IFT80: variants seen among roughly 807,000 people sequenced by gnomAD.
IFT80 encodes intraflagellar transport 80.
In IFT80, 79 loss-of-function variants were observed where a neutral mutation model predicts 107.9. The ratio of observed to expected loss-of-function variants is 0.73; its 90% confidence interval spans 0.61 to 0.88. The LOEUF (loss-of-function observed/expected upper bound fraction) is 0.88. IFT80 is among the 40% of genes least tolerant of loss of function. The pLI is 0.00. For synonymous variants in IFT80, 299 were observed against 300.9 expected (o/e 0.99, Z 0.07); for missense variants, 797 against 914.2 (o/e 0.87, Z 1.65).
chr3:160,373,203 T>C (rs1246497382), intron 5 of IFT80, among the ~76,000 whole-genome samples: 1 of 152,164 alleles, frequency 6.6e-6, no homozygotes. Context: ...CCACGATGCC[T>C]GGCCAAAATG....
chr3:160,272,940 CA>C (rs1713934296), intron 18 of IFT80, among the ~76,000 whole-genome samples: 1 of 152,188 alleles, frequency 6.6e-6, no homozygotes, highest in Non-Finnish European at 1.5e-5. Context: ...TAAACAAATT[CA>C]AGCCCTGTGC....
At chr3:160,327,157 T>C (rs992982244) in intron 8 of IFT80, among the ~76,000 whole-genome samples, 17 of 152,134 alleles carry the variant, frequency 1.1e-4, no homozygotes, top group Admixed American at 9.8e-4. Context: ...TACAAACCAC[T>C]GCTCAAAGAA....
rs1383651895 is a variant in IFT80 at position 160,261,715 on chromosome 3, C to T, written c.2224-3080G>A. ...ACTTAGAGGGCTCAGGTGAAAGGAT[C>T]GCTTGAGTCTGGCTATGTTGAGGCC... On this transcript the variant is annotated intron_variant, in intron 19 of 19. Coordinates refer to ENST00000326448, the MANE Select transcript of IFT80 (RefSeq NM_020800.3). 4.7e-5 allele frequency among the ~76,000 whole-genome samples: 7 copies of T among 148,984 alleles called. No homozygotes were observed. The East Asian group carries it at 1.4e-3, about 29-fold the overall frequency.
At chr3:160,318,449 G>A (rs6441312) in intron 9 of IFT80, among the ~76,000 whole-genome samples, 2,229 of 152,046 alleles carry the variant, frequency 0.015, 51 homozygotes, top group African/African-American at 0.051. Context: ...GAGGAAGGTC[G>A]AATCCTTCTT....
intron 8 of IFT80, among the ~76,000 whole-genome samples, chr3:160,340,084 C>G (rs1482336073): frequency 6.6e-6 from 1 of 152,136 alleles, no homozygotes; most frequent in African/African-American, 2.4e-5. Flanking sequence ...CTGCTCTCAG[C>G]TAGCCAAGTT....
At chr3:160,328,877 A>C (rs1718881719) in intron 8 of IFT80, among the ~76,000 whole-genome samples, 1 of 152,152 alleles carries the variant, frequency 6.6e-6, no homozygotes, top group African/African-American at 2.4e-5. Context: ...TTAGCAAACA[A>C]ACACAGGAGC....
chr3:160,315,172 A>G (rs1717722346), intron 9 of IFT80, among the ~76,000 whole-genome samples: 1 of 152,050 alleles, frequency 6.6e-6, no homozygotes, highest in Admixed American at 6.6e-5. Context: ...CACTGAATCC[A>G]CATGTTGCAA....
intron 8 of IFT80, among the ~76,000 whole-genome samples, chr3:160,324,351 C>G (rs993046814): frequency 6.6e-6 from 1 of 152,096 alleles, no homozygotes; most frequent in Non-Finnish European, 1.5e-5. Flanking sequence ...GACCAATATC[C>G]TTGATGAACA....
At chr3:160,364,054 T>C (rs1275177871) in intron 6 of IFT80, among the ~76,000 whole-genome samples, 1 of 152,014 alleles carries the variant, frequency 6.6e-6, no homozygotes. Context: ...GAAACTACCA[T>C]CAGAGTGAAC....
At chr3:160,396,125 AACAT>A (rs1713760248) in intron 1 of IFT80, among the ~76,000 whole-genome samples, 1 of 152,044 alleles carries the variant, frequency 6.6e-6, no homozygotes, top group South Asian at 2.1e-4. Context: ...ACGGAATAAA[AACAT>A]ACTTATCTTT....
intron 8 of IFT80, among the ~76,000 whole-genome samples, chr3:160,343,233 A>C (rs1043324869): frequency 6.6e-6 from 1 of 152,216 alleles, no homozygotes; most frequent in Non-Finnish European, 1.5e-5. Context: ...CAATTATTTT[A>C]ATTGAAAAGA....
chr3:160,303,535 T>C (rs1357201363), intron 11 of IFT80, among the ~76,000 whole-genome samples: 1 of 152,232 alleles, frequency 6.6e-6, no homozygotes, highest in Non-Finnish European at 1.5e-5. Context: ...AACTCTTTAA[T>C]AGTTATTTAC....
chr3:160,345,461 T>C (rs1004033219), intron 8 of IFT80, among the ~76,000 whole-genome samples: 1 of 151,640 alleles, frequency 6.6e-6, no homozygotes, highest in Non-Finnish European at 1.5e-5. Flanking sequence ...CCAAGGTGGG[T>C]GGATCGCTTA....
At chr3:160,373,968 C>A (rs1319341111) in intron 5 of IFT80, among the ~76,000 whole-genome samples, 5 of 152,110 alleles carry the variant, frequency 3.3e-5, no homozygotes, top group Admixed American at 2.0e-4. Flanking sequence ...GGGTTGGGGA[C>A]CCCTGACATA....
At chr3:160,319,492 C>T (rs2108297470) in intron 9 of IFT80, among the ~76,000 whole-genome samples, 1 of 152,128 alleles carries the variant, frequency 6.6e-6, no homozygotes, top group African/African-American at 2.4e-5. Context: ...CTCCTTCCCT[C>T]ACTGAATCCA....
In IFT80 at chr3:160,375,817, T is replaced by C; in HGVS notation, c.434A>G (p.Gln145Arg). 1.2e-6 allele frequency: 2 copies of C among 1,609,750 alleles called. No individual in the cohort carries two copies. Among genetic ancestry groups the C allele is most frequent in the Non-Finnish European group, 1.7e-6 (2 of 1,176,668 alleles). The change falls in exon 5 of 20, where the codon CAG becomes CGG. Residue 145 changes from glutamine (Q) to arginine (R), a missense_variant. Physicochemically the swap from Gln to Arg is conservative, Grantham distance 43. Coordinates refer to ENST00000326448, the MANE Select transcript of IFT80 (RefSeq NM_020800.3). Reference sequence around the variant, plus strand: ...TTGTCAATTGTAAAACATACCTTGCTGAGCTAAAGTTGATCTAAGCATCCC... The same window carrying C: ...TTGTCAATTGTAAAACATACCTTGCCGAGCTAAAGTTGATCTAAGCATCCC... The part of the protein sequence containing the change: ...KTGMLRSTLA[Q>R]QGTPVYSVAW...
intron 8 of IFT80, chr3:160,343,698 G>C (rs1280644352): frequency 4.0e-6 from 1 of 250,118 alleles, no homozygotes; most frequent in African/African-American, 2.3e-5. Context: ...TATATTTCCT[G>C]ATCATCTCAT....
At chr3:160,308,031 A>C (rs928761049) in intron 9 of IFT80, among the ~76,000 whole-genome samples, 22 of 152,186 alleles carry the variant, frequency 1.4e-4, no homozygotes, top group Middle Eastern at 3.2e-3. Context: ...CTAACTTGCA[A>C]GCCAAACTTA....
rs757174483 is a variant in IFT80 at position 160,301,059 on chromosome 3, G to T, written c.1152-13C>A. The stretch of plus-strand genomic sequence containing the variant: ...AAGAAGAAAATGTCTAAAAAATAAA[G>T]AATAGAAATAGATTCTCAAACAGGA... On this transcript the variant is annotated splice_polypyrimidine_tract_variant and intron_variant, in intron 11 of 19. Coordinates refer to ENST00000326448, the MANE Select transcript of IFT80 (RefSeq NM_020800.3). 1.3e-6 allele frequency: 2 copies of T among 1,557,282 alleles called. No homozygotes were observed. The highest frequency in any genetic ancestry group is 1.8e-5 in the Admixed American group (1 of 56,612).
Sources: gnomAD v4.1 joint callset for allele counts (sites outside exome capture counted in the v4.1 genomes callset) on GRCh38, gnomAD v4.1.1 for gene constraint, MANE v1.5 for transcripts, NCBI Gene and HGNC (gene_info 2026-07-23, HGNC 2026-07-21) for gene names.